The following GRID2 variants were observed in gnomAD, a reference collection of about 807,000 sequenced individuals.
The protein encoded by GRID2 is glutamate ionotropic receptor delta type subunit 2, also known as glutamate receptor ionotropic, delta-2.
Under a neutral mutation model 114.8 loss-of-function variants are expected in GRID2, and 33 were observed. The ratio of observed to expected loss-of-function variants is 0.29; its 90% CI spans 0.22 to 0.38. The LOEUF (loss-of-function observed/expected upper bound fraction) is 0.38, where lower values mean the gene tolerates loss of function less well. Ranked by LOEUF, GRID2 falls within the 10% of genes least tolerant of loss-of-function variation. GRID2 has a pLI of 1.00. For synonymous variants in GRID2, 505 were observed against 449.9 expected (o/e 1.12, Z -1.55); for missense variants, 1,184 against 1,257.7 (o/e 0.94, Z 0.89).
At chr4:92,671,348 C>T (rs1010854106) in intron 2 of GRID2, among the ~76,000 whole-genome samples, 1 of 152,102 alleles carries the variant, frequency 6.6e-6, no homozygotes, top group Non-Finnish European at 1.5e-5. Flanking sequence ...CACAATTCAA[C>T]ATGAGATTTT....
At chr4:93,625,969 C>T (rs1742692884) in intron 13 of GRID2, among the ~76,000 whole-genome samples, 3 of 152,066 alleles carry the variant, frequency 2.0e-5, no homozygotes, top group African/African-American at 4.8e-5. Flanking sequence ...GTTTACATAG[C>T]ATATGTACAT....
intron 1 of GRID2, among the ~76,000 whole-genome samples, chr4:92,539,064 T>C (rs1725798197): frequency 7.3e-6 from 1 of 137,434 alleles, no homozygotes; most frequent in African/African-American, 2.8e-5. Context: ...AAAAAGTGTC[T>C]AATAGGAGAT....
At chr4:92,373,257 G>C (rs931968925) in intron 1 of GRID2, among the ~76,000 whole-genome samples, 1 of 152,194 alleles carries the variant, frequency 6.6e-6, no homozygotes, top group Admixed American at 6.5e-5. Context: ...GATAGGGGAA[G>C]TGTGGTCATT....
chr4:92,779,726 A>G (rs540865859), intron 2 of GRID2, among the ~76,000 whole-genome samples: 1 of 152,258 alleles, frequency 6.6e-6, no homozygotes, highest in African/African-American at 2.4e-5. Context: ...TTTTCCAATA[A>G]GCGCCACTAA....
At chr4:93,560,854 C>T (rs1578263970) in intron 13 of GRID2, among the ~76,000 whole-genome samples, 1 of 151,858 alleles carries the variant, frequency 6.6e-6, no homozygotes, top group African/African-American at 2.4e-5. Flanking sequence ...ATATTTTACC[C>T]ACGGTTTCTA....
At chr4:93,439,814 C>T (rs1046268400) in intron 10 of GRID2, among the ~76,000 whole-genome samples, 22 of 152,132 alleles carry the variant, frequency 1.4e-4, no homozygotes, top group Middle Eastern at 3.4e-3. Context: ...TCCACCCACA[C>T]TGGAGAGGGG....
At chr4:92,830,702 A>G (rs1256055830) in intron 2 of GRID2, among the ~76,000 whole-genome samples, 1 of 152,194 alleles carries the variant, frequency 6.6e-6, no homozygotes, top group Non-Finnish European at 1.5e-5. Flanking sequence ...GAGATTCTTC[A>G]TAGTTTTATT....
chr4:93,502,733 CCA>C lies in GRID2; in HGVS notation c.1997+11978_1997+11979del, dbSNP rs147212858. Among the ~76,000 whole-genome samples, 960 of 141,068 alleles carry C rather than the reference CCA, an allele frequency of 6.8e-3. 12 individuals carry two copies. The highest frequency in any genetic ancestry group is 0.011 in the Non-Finnish European group (698 of 65,348). The allele number at this position is 141,068 out of a possible 152,430, so 92.5% of individuals were successfully genotyped here. A position where few individuals can be genotyped will look rare whatever the true frequency, so the allele number is the denominator to read the frequency against. ...CCCCCCCCCCACACACACACGCACA[CCA>C]CACACACACACACACACACACGTAC... On this transcript the variant is annotated intron_variant, in intron 12 of 15. Transcript: ENST00000282020.
intron 2 of GRID2, among the ~76,000 whole-genome samples, chr4:92,909,587 G>A (rs1748215425): frequency 6.6e-6 from 1 of 152,020 alleles, no homozygotes; most frequent in African/African-American, 2.4e-5. Context: ...CAGTTGCAGG[G>A]ATACTTGGAT....
chr4:93,039,769 T>A (rs1316708411), intron 2 of GRID2, among the ~76,000 whole-genome samples: 1 of 152,194 alleles, frequency 6.6e-6, no homozygotes, highest in East Asian at 1.9e-4. Context: ...TCCTTGGGCA[T>A]GTTTATGCTT....
intron 2 of GRID2, among the ~76,000 whole-genome samples, chr4:93,083,991 A>G (rs1460436136): frequency 6.6e-6 from 1 of 152,110 alleles, no homozygotes; most frequent in Non-Finnish European, 1.5e-5. Context: ...TTTTTAAAGA[A>G]CTATGTAAAA....
At chr4:93,107,541 T>TA (rs1236112194) in intron 3 of GRID2, among the ~76,000 whole-genome samples, 1 of 152,110 alleles carries the variant, frequency 6.6e-6, no homozygotes, top group Admixed American at 6.5e-5. Flanking sequence ...ATTTATTTAT[T>TA]AAAAAAATTT....
chr4:92,631,904 T>C (rs1730826364), intron 2 of GRID2, among the ~76,000 whole-genome samples: 1 of 152,312 alleles, frequency 6.6e-6, no homozygotes, highest in Non-Finnish European at 1.5e-5. Flanking sequence ...GTATTGGATA[T>C]GCTTGATTTT....
At chr4:93,588,079 T>C (rs1174476608) in intron 13 of GRID2, among the ~76,000 whole-genome samples, 1 of 152,132 alleles carries the variant, frequency 6.6e-6, no homozygotes, top group Non-Finnish European at 1.5e-5. Context: ...TGTAAGGTAG[T>C]ATGAAAATAC....
At chr4:92,664,906 C>T (rs1202736030) in intron 2 of GRID2, among the ~76,000 whole-genome samples, 1 of 148,856 alleles carries the variant, frequency 6.7e-6, no homozygotes, top group African/African-American at 2.4e-5. Flanking sequence ...CATTTTCAAC[C>T]TATTTCTGTC....
intron 2 of GRID2, among the ~76,000 whole-genome samples, chr4:92,714,073 T>G (rs1735412619): frequency 6.6e-6 from 1 of 152,136 alleles, no homozygotes; most frequent in African/African-American, 2.4e-5. Context: ...CCTATCAGCC[T>G]GTAATATCAA....
At chr4:92,841,614 G>A (rs1356811461) in intron 2 of GRID2, among the ~76,000 whole-genome samples, 1 of 151,974 alleles carries the variant, frequency 6.6e-6, no homozygotes, top group African/African-American at 2.4e-5. Context: ...AACAGGTGCA[G>A]CATTACAAGT....
At chr4:93,455,567 G>T in intron 10 of GRID2, 95 bp from the exon 11 acceptor site, 4 of 709,754 alleles carry the variant, frequency 5.6e-6, no homozygotes, top group South Asian at 5.3e-5. Context: ...ATTGCCTGAG[G>T]CATCTATTTT....
intron 1 of GRID2, among the ~76,000 whole-genome samples, chr4:92,586,941 C>T (rs537781589): frequency 3.9e-4 from 59 of 151,952 alleles, no homozygotes; most frequent in Non-Finnish European, 5.5e-4. Flanking sequence ...ATTTCTCCCC[C>T]CATAAAAGGA....
Sources: allele counts gnomAD v4.1 joint callset (sites outside exome capture counted in the v4.1 genomes callset), GRCh38; gene constraint gnomAD v4.1.1; transcripts MANE v1.5; gene names NCBI Gene and HGNC (gene_info 2026-07-23, HGNC 2026-07-21).